Variants in EXOC4 observed in about 807,000 individuals in gnomAD.
EXOC4 encodes exocyst complex component 4.
Under a neutral mutation model 107.2 loss-of-function variants are expected in EXOC4, and 71 were observed. The ratio of observed to expected loss-of-function variants is 0.66; its 90% CI spans 0.55 to 0.81. The LOEUF (loss-of-function observed/expected upper bound fraction) is 0.81, where lower values mean the gene tolerates loss of function less well. Among genes scored for constraint, EXOC4 ranks in the 30% least tolerant of loss-of-function variants. The pLI is 0.00. For synonymous variants in EXOC4, 456 were observed against 441.2 expected, an observed-to-expected ratio of 1.03 and a Z score of -0.42; for missense variants, 1,108 against 1,189.6, an observed-to-expected ratio of 0.93 and a Z score of 1.01.
chr7:133,654,891 C>T (rs1803251174), intron 10 of EXOC4, among the ~76,000 whole-genome samples: 1 of 152,106 alleles, frequency 6.6e-6, no homozygotes. Context: ...ATGGTAAGTA[C>T]TTGTGTGTTT....
At chr7:133,773,586 G>A (rs1160256285) in intron 10 of EXOC4, among the ~76,000 whole-genome samples, 1 of 151,796 alleles carries the variant, frequency 6.6e-6, no homozygotes, top group Non-Finnish European at 1.5e-5. Context: ...CCCAAAATAT[G>A]CTAGCTTTAA....
At chr7:133,355,441 G>A (rs1319914847) in intron 5 of EXOC4, among the ~76,000 whole-genome samples, 1 of 152,038 alleles carries the variant, frequency 6.6e-6, no homozygotes, top group Admixed American at 6.6e-5. Context: ...GCGAAACCCG[G>A]AATTCCTATG....
chr7:133,507,554 C>T (rs1799689348), intron 9 of EXOC4, among the ~76,000 whole-genome samples: 1 of 152,102 alleles, frequency 6.6e-6, no homozygotes, highest in Non-Finnish European at 1.5e-5. Flanking sequence ...AATACATGTG[C>T]CATGCAAATA....
chr7:133,926,425 T>C (rs1339395455), intron 13 of EXOC4, among the ~76,000 whole-genome samples: 2 of 152,230 alleles, frequency 1.3e-5, no homozygotes, highest in African/African-American at 2.4e-5. Context: ...TCACAGACAT[T>C]TATCATATAA....
chr7:133,382,985 CT>C (rs1451707553), intron 7 of EXOC4, among the ~76,000 whole-genome samples: 4 of 152,150 alleles, frequency 2.6e-5, no homozygotes, highest in Admixed American at 6.5e-5. Context: ...GGTGTCAGCC[CT>C]GTGACCACAC....
intron 10 of EXOC4, among the ~76,000 whole-genome samples, chr7:133,806,562 C>G (rs1313988473): frequency 6.6e-6 from 1 of 152,154 alleles, no homozygotes; most frequent in Non-Finnish European, 1.5e-5. Context: ...CACAATGTCC[C>G]AGTACCTCAG....
intron 9 of EXOC4, among the ~76,000 whole-genome samples, chr7:133,486,152 G>A (rs1198286804): frequency 6.6e-6 from 1 of 151,966 alleles, no homozygotes; most frequent in Non-Finnish European, 1.5e-5. Flanking sequence ...GGACATACTG[G>A]CATAGGTAAA....
chr7:133,816,438 A>G (rs934542978), intron 10 of EXOC4, among the ~76,000 whole-genome samples: 2 of 152,180 alleles, frequency 1.3e-5, no homozygotes, highest in African/African-American at 4.8e-5. Flanking sequence ...AGGGTTTTTA[A>G]TAGAGGAAGT....
chr7:133,791,300 A>T (rs1388487743), intron 10 of EXOC4, among the ~76,000 whole-genome samples: 1 of 152,224 alleles, frequency 6.6e-6, no homozygotes, highest in East Asian at 1.9e-4. Flanking sequence ...ATGGCCACAA[A>T]ACTATGAATC....
At chr7:133,802,826 C>T (rs190086035) in intron 10 of EXOC4, among the ~76,000 whole-genome samples, 23 of 121,892 alleles carry the variant, frequency 1.9e-4, no homozygotes, top group East Asian at 9.6e-4. Context: ...CCAGCCTGGG[C>T]GACGAGCGAA....
intron 10 of EXOC4, among the ~76,000 whole-genome samples, chr7:133,751,633 TTTG>T (rs1795795049): frequency 1.3e-5 from 2 of 152,200 alleles, no homozygotes; most frequent in African/African-American, 4.8e-5. Context: ...GTGTTTGTTC[TTTG>T]TTGTTCTTTT....
At chr7:133,803,110 G>A (rs1217766513) in intron 10 of EXOC4, among the ~76,000 whole-genome samples, 1 of 152,140 alleles carries the variant, frequency 6.6e-6, no homozygotes, top group Non-Finnish European at 1.5e-5. Context: ...ATGACAATGA[G>A]CAATTTTATG....
At chr7:133,578,479 T>C (rs1219302040) in intron 9 of EXOC4, among the ~76,000 whole-genome samples, 2 of 152,216 alleles carry the variant, frequency 1.3e-5, no homozygotes, top group Non-Finnish European at 2.9e-5. Flanking sequence ...CTTATCACTA[T>C]GGCTAGCTTG....
At chr7:133,569,981 A>G (rs2150958241) in intron 9 of EXOC4, among the ~76,000 whole-genome samples, 1 of 152,354 alleles carries the variant, frequency 6.6e-6, no homozygotes, top group East Asian at 1.9e-4. Context: ...TAATGGCGGA[A>G]CGCAATAAAA....
chr7:134,079,489 C>T, the EXOC4 span, among the ~76,000 whole-genome samples: 1 of 152,128 alleles, frequency 6.6e-6, no homozygotes, highest in African/African-American at 2.4e-5. Context: ...TTTCAGCATT[C>T]ATTTCTTACC....
At chr7:134,085,375 C>T in the EXOC4 span, among the ~76,000 whole-genome samples, 3 of 151,028 alleles carry the variant, frequency 2.0e-5, no homozygotes, top group African/African-American at 2.4e-5. Flanking sequence ...GGAAATTAAC[C>T]AAAGGCTTGC....
At chr7:133,656,377 ATG>A (rs1803295924) in intron 10 of EXOC4, among the ~76,000 whole-genome samples, 1 of 216 alleles carries the variant, frequency 4.6e-3, no homozygotes, top group African/African-American at 7.0e-3. Context: ...CATCCACAGT[ATG>A]TATGTATGTA....
intron 9 of EXOC4, among the ~76,000 whole-genome samples, chr7:133,571,148 T>G (rs1158024828): frequency 6.6e-6 from 1 of 152,152 alleles, no homozygotes; most frequent in Non-Finnish European, 1.5e-5. Flanking sequence ...AAATGATTAC[T>G]TATGTAGCTC....
chr7:133,842,273 G>A (rs1226724903), intron 11 of EXOC4, among the ~76,000 whole-genome samples: 1 of 152,214 alleles, frequency 6.6e-6, no homozygotes, highest in Non-Finnish European at 1.5e-5. Context: ...TTCATCAGCA[G>A]TGTGTAAGTT....
Sources: gnomAD v4.1 joint callset for allele counts (sites outside exome capture counted in the v4.1 genomes callset) on GRCh38, gnomAD v4.1.1 for gene constraint, MANE v1.5 for transcripts, NCBI Gene and HGNC (gene_info 2026-07-23, HGNC 2026-07-21) for gene names.